Variants in ADAMTS2 observed in about 807,000 individuals in gnomAD.
ADAMTS2 encodes ADAM metallopeptidase with thrombospondin type 1 motif 2.
A neutral mutation model predicts 123.0 loss-of-function variants in ADAMTS2; 50 were observed. That is an observed-to-expected ratio of 0.41 (90% CI 0.32 to 0.51). The LOEUF (loss-of-function observed/expected upper bound fraction) is 0.51, where lower values mean the gene tolerates loss of function less well. ADAMTS2 is among the 20% of genes least tolerant of loss of function. The probability of loss-of-function intolerance (pLI) is 0.35; values close to 1 mark genes in which losing one functional copy is unlikely to be tolerated. For missense variants in ADAMTS2, 1,494 were observed against 1,705.2 expected (o/e 0.88, Z 2.18); for synonymous variants, 678 against 695.4 (o/e 0.98, Z 0.39).
intron 9 of ADAMTS2, among the ~76,000 whole-genome samples, chr5:179,152,813 C>T (rs1215229245): frequency 6.6e-6 from 1 of 152,158 alleles, no homozygotes; most frequent in Non-Finnish European, 1.5e-5. Context: ...CCACTGTGCT[C>T]CTTAGGGAGT....
intron 1 of ADAMTS2, 57 bp from the exon 2 acceptor site, chr5:179,344,218 G>A: frequency 1.3e-6 from 2 of 1,523,598 alleles, no homozygotes; most frequent in Non-Finnish European, 1.8e-6. Flanking sequence ...GTGCCTCAGA[G>A]ACCCGCCGGC....
In ADAMTS2 at chr5:179,181,001, C is replaced by A. The variant is rs1764034649; in HGVS notation, c.975+71G>T. 4 of 1,206,514 alleles carry A rather than the reference C, an allele frequency of 3.3e-6. No homozygotes were observed. Among genetic ancestry groups the A allele is most frequent in the Non-Finnish European group, 4.9e-6 (4 of 812,974 alleles). 74.7% of individuals were successfully genotyped at this position (1,206,514 alleles called of 1,614,324 possible). On this transcript the variant is annotated intron_variant, in intron 5 of 21. Transcript: ENST00000251582. The surrounding 1 kb of genome is among the most constrained non-coding windows in gnomAD (Gnocchi z 4.1). ...CAAACGCACACACTCTCCAAGGAGG[C>A]CCATGCCTCACTCCCAGGCCCCTCA...
intron 3 of ADAMTS2, among the ~76,000 whole-genome samples, chr5:179,247,403 T>C (rs1240646013): frequency 2.8e-5 from 4 of 144,510 alleles, no homozygotes; most frequent in Non-Finnish European, 4.7e-5. Context: ...TACACCAAAA[T>C]ACAAAAAATG....
At chr5:179,216,637 T>G (rs1471768247) in intron 3 of ADAMTS2, among the ~76,000 whole-genome samples, 1 of 152,194 alleles carries the variant, frequency 6.6e-6, no homozygotes, top group Non-Finnish European at 1.5e-5. Context: ...GAAGCAGAAG[T>G]CAGACCACGA....
Position 179,154,211 on chromosome 5 carries a change from C to A in ADAMTS2, c.1239-19G>T. Reference sequence around the variant, plus strand: ...GCCCAGCCTGCGAGGGCCGAGGCAGCTGGCTGAATCCCACTGGCACACGGG... The same window carrying A: ...GCCCAGCCTGCGAGGGCCGAGGCAGATGGCTGAATCCCACTGGCACACGGG... On this transcript the variant is annotated intron_variant, in intron 7 of 21. Coordinates refer to ENST00000251582, the MANE Select transcript of ADAMTS2 (RefSeq NM_014244.5). 1 of 1,542,574 alleles carries A rather than the reference C, an allele frequency of 6.5e-7. No individual in the cohort carries two copies.
chr5:179,202,040 G>A lies in ADAMTS2; in HGVS notation c.891+5473C>T, dbSNP rs1210705056. The stretch of plus-strand genomic sequence containing the variant: ...CTTCTGGCAAGTCTGAGATGAAAAG[G>A]GCAGCTTCATCTTTCCCATAGAAAA... On this transcript the variant is annotated intron_variant, in intron 4 of 21. Transcript: ENST00000251582. The surrounding 1 kb of genome is among the most constrained non-coding windows in gnomAD (Gnocchi z 4.0). 6.6e-6 allele frequency among the ~76,000 whole-genome samples: 1 copy of A among 152,222 alleles called. No homozygotes were observed. The highest frequency in any genetic ancestry group is 1.5e-5 in the Non-Finnish European group (1 of 68,004).
At chr5:179,218,537 A>G (rs1765053949) in intron 3 of ADAMTS2, among the ~76,000 whole-genome samples, 1 of 152,190 alleles carries the variant, frequency 6.6e-6, no homozygotes, top group African/African-American at 2.4e-5. Flanking sequence ...GGATTATTAC[A>G]TCCCAGCCCT....
chr5:179,215,035 A>G (rs1294774660), intron 3 of ADAMTS2, among the ~76,000 whole-genome samples: 1 of 152,258 alleles, frequency 6.6e-6, no homozygotes, highest in Non-Finnish European at 1.5e-5. Flanking sequence ...ATAATGAAAA[A>G]GAATGACAAT....
chr5:179,119,946 G>T (rs1018793066), intron 21 of ADAMTS2, among the ~76,000 whole-genome samples: 2 of 152,300 alleles, frequency 1.3e-5, no homozygotes, highest in Admixed American at 1.3e-4. Flanking sequence ...TCACGGTGGG[G>T]TGTCTGCACG....
At chr5:179,163,948 A>ACT (rs1763648575) in intron 5 of ADAMTS2, among the ~76,000 whole-genome samples, 1 of 151,292 alleles carries the variant, frequency 6.6e-6, no homozygotes, top group Non-Finnish European at 1.5e-5. Flanking sequence ...GGGCACAGGG[A>ACT]GGGGAAGCTG....
intron 3 of ADAMTS2, among the ~76,000 whole-genome samples, chr5:179,240,709 G>A (rs903449418): frequency 1.3e-5 from 2 of 152,222 alleles, no homozygotes; most frequent in Admixed American, 6.5e-5. Context: ...TTCCCGTGAC[G>A]CGTGTCAGTG....
In ADAMTS2 at chr5:179,281,602, T is replaced by C. The variant is rs565365877; in HGVS notation, c.535-8538A>G. ...TTATCCATTTGCCGGTTGATGGACA[T>C]GTGGGTTGTTGGTTTTTGGCTCCTA... On this transcript the variant is annotated intron_variant, in intron 2 of 21. Coordinates refer to ENST00000251582, the MANE Select transcript of ADAMTS2 (RefSeq NM_014244.5). 1.4e-4 allele frequency among the ~76,000 whole-genome samples: 22 copies of C among 152,356 alleles called. No individual in the cohort carries two copies. In the South Asian group the frequency reaches 4.6e-3, roughly 32 times the overall value.
intron 3 of ADAMTS2, among the ~76,000 whole-genome samples, chr5:179,259,810 C>T (rs184476835): frequency 5.4e-4 from 82 of 152,336 alleles, no homozygotes; most frequent in Admixed American, 1.3e-3. Flanking sequence ...CTGGGCACCC[C>T]CAATTTTGGC....
At chr5:179,328,135 C>A (rs1461605882) in intron 2 of ADAMTS2, among the ~76,000 whole-genome samples, 2 of 152,230 alleles carry the variant, frequency 1.3e-5, no homozygotes, top group Non-Finnish European at 2.9e-5. Flanking sequence ...CGGGTTCACG[C>A]CATTCTCCTG....
chr5:179,209,561 AGCACACACAT>A (rs908249306), intron 3 of ADAMTS2, among the ~76,000 whole-genome samples: 17 of 148,184 alleles, frequency 1.1e-4, no homozygotes, highest in African/African-American at 4.0e-4. Context: ...CACACACACA[AGCACACACAT>A]GCACACACAT....
intron 2 of ADAMTS2, among the ~76,000 whole-genome samples, chr5:179,296,836 C>T (rs552046837): frequency 6.6e-6 from 1 of 152,250 alleles, no homozygotes; most frequent in South Asian, 2.1e-4. Flanking sequence ...ACTGGTATCA[C>T]TAACACAACC....
rs117889503 is a variant in ADAMTS2 at position 179,324,690 on chromosome 5, C to T, written c.534+19077G>A. On this transcript the variant is annotated intron_variant, in intron 2 of 21. Transcript: ENST00000251582. The stretch of plus-strand genomic sequence containing the variant: ...ATAGGCGTGAGGCACCATGCCTGGC[C>T]GATAGCTTTATTTCAATCAGATTTA... Among the ~76,000 whole-genome samples, 95 of 152,256 alleles carry T rather than the reference C, an allele frequency of 6.2e-4. No individual in the cohort carries two copies. In the East Asian group the frequency reaches 0.015, roughly 23 times the overall value.
At chr5:179,238,119 G>A (rs1765571773) in intron 3 of ADAMTS2, among the ~76,000 whole-genome samples, 2 of 152,232 alleles carry the variant, frequency 1.3e-5, no homozygotes, top group Admixed American at 1.3e-4. Context: ...TGGCTTGGAA[G>A]AAACAAGCAG....
In ADAMTS2 at chr5:179,269,510, G is replaced by A. The variant is rs569125669; in HGVS notation, c.688+3401C>T. 1.3e-4 allele frequency among the ~76,000 whole-genome samples: 20 copies of A among 152,180 alleles called. No homozygotes were observed. In the South Asian group the frequency reaches 3.1e-3, roughly 24 times the overall value. ...CCCGTTTTTAAAACCCTCAGATCTCGTGAGACCCACTCACCATCATGAGAA... is the reference window on the plus strand; with the variant it reads ...CCCGTTTTTAAAACCCTCAGATCTCATGAGACCCACTCACCATCATGAGAA... On this transcript the variant is annotated intron_variant, in intron 3 of 21. Transcript: ENST00000251582.
Sources: gnomAD v4.1 joint callset for allele counts (sites outside exome capture counted in the v4.1 genomes callset) on GRCh38, gnomAD v4.1.1 for gene constraint, Gnocchi (gnomAD v3.1) non-coding constraint, MANE v1.5 for transcripts, NCBI Gene and HGNC (gene_info 2026-07-23, HGNC 2026-07-21) for gene names.